SLC14A2: variants seen among roughly 807,000 people sequenced by gnomAD.
SLC14A2 encodes the protein solute carrier family 14 member 2, also known as urea transporter 2.
A neutral mutation model predicts 104.6 loss-of-function variants in SLC14A2; 91 were observed. The ratio of observed to expected loss-of-function variants is 0.87; its 90% CI spans 0.73 to 1.04. The LOEUF is 1.04. Ranked by LOEUF, SLC14A2 falls within the 50% of genes least tolerant of loss-of-function variation. The probability of loss-of-function intolerance (pLI) is 0.00; values close to 1 mark genes in which losing one functional copy is unlikely to be tolerated. For synonymous variants in SLC14A2, 476 were observed against 466.4 expected (o/e 1.02, Z -0.27); for missense variants, 1,189 against 1,156.0 (o/e 1.03, Z -0.41).
At chr18:45,269,641 A>G (rs77012618) in intron 1 of SLC14A2, among the ~76,000 whole-genome samples, 2,351 of 152,244 alleles carry the variant, frequency 0.015, 86 homozygotes, top group East Asian at 0.094. Context: ...ACAAGACCAT[A>G]GCTGCTCATA....
chr18:45,390,991 C>T (rs559755638), intron 1 of SLC14A2, among the ~76,000 whole-genome samples: 1 of 152,210 alleles, frequency 6.6e-6, no homozygotes, highest in African/African-American at 2.4e-5. Flanking sequence ...AGGTTTGTTA[C>T]AGATGTATAC....
intron 1 of SLC14A2, among the ~76,000 whole-genome samples, chr18:45,391,941 C>A (rs985647358): frequency 3.3e-5 from 5 of 152,176 alleles, no homozygotes; most frequent in Admixed American, 2.6e-4. Flanking sequence ...TTAGATCCCA[C>A]TTGTCAATTC....
intron 1 of SLC14A2, among the ~76,000 whole-genome samples, chr18:45,226,099 G>GA (rs2084113560): frequency 6.6e-6 from 1 of 152,028 alleles, no homozygotes; most frequent in East Asian, 1.9e-4. Context: ...TCAGAGAAAT[G>GA]CAATCAAAAC....
chr18:45,277,772 C>G (rs1445880147), intron 1 of SLC14A2, among the ~76,000 whole-genome samples: 1 of 152,142 alleles, frequency 6.6e-6, no homozygotes, highest in Non-Finnish European at 1.5e-5. Context: ...AATGAGAAAA[C>G]ATATGTAACA....
intron 1 of SLC14A2, among the ~76,000 whole-genome samples, chr18:45,340,511 C>T (rs1031855739): frequency 6.6e-6 from 1 of 152,168 alleles, no homozygotes; most frequent in Non-Finnish European, 1.5e-5. Context: ...GGTAGAGTAT[C>T]TCTGATATTC....
At chr18:45,182,094 A>G in the SLC14A2 span, among the ~76,000 whole-genome samples, 8 of 152,104 alleles carry the variant, frequency 5.3e-5, no homozygotes, top group Non-Finnish European at 8.8e-5. Context: ...AAAGTAATTA[A>G]GCAGCCAAGT....
chr18:45,361,900 C>T (rs542749413), intron 1 of SLC14A2, among the ~76,000 whole-genome samples: 18 of 152,300 alleles, frequency 1.2e-4, no homozygotes, highest in African/African-American at 2.9e-4. Flanking sequence ...ATCTTTTCCC[C>T]GGGAGCACCA....
chr18:45,356,634 T>C (rs1424510794), intron 1 of SLC14A2, among the ~76,000 whole-genome samples: 1 of 152,254 alleles, frequency 6.6e-6, no homozygotes, highest in East Asian at 1.9e-4. Flanking sequence ...ACAGTCTAGA[T>C]ACTCAAACAT....
chr18:45,321,469 AG>A (rs1216772229), intron 1 of SLC14A2, among the ~76,000 whole-genome samples: 3 of 152,222 alleles, frequency 2.0e-5, no homozygotes, highest in Non-Finnish European at 4.4e-5. Context: ...CATTTTAAAA[AG>A]CTAGTCCATT....
intron 2 of SLC14A2, among the ~76,000 whole-genome samples, chr18:45,562,181 T>C (rs2044208833): frequency 6.6e-6 from 1 of 152,214 alleles, no homozygotes; most frequent in African/African-American, 2.4e-5. Context: ...AGAGATGCAT[T>C]CAGAAGAGTT....
intron 1 of SLC14A2, among the ~76,000 whole-genome samples, chr18:45,217,107 C>T (rs899989939): frequency 1.3e-5 from 2 of 151,772 alleles, no homozygotes. Flanking sequence ...ACCCAATTTT[C>T]CTCCTTTCCT....
At chr18:45,659,903 C>T (rs1599137862) in intron 10 of SLC14A2, among the ~76,000 whole-genome samples, 1 of 150,834 alleles carries the variant, frequency 6.6e-6, no homozygotes, top group South Asian at 2.1e-4. Context: ...GGCAGGAGGA[C>T]CACTTGAGCC....
chr18:45,592,601 CTG>C (rs1027670543), intron 2 of SLC14A2, among the ~76,000 whole-genome samples: 1 of 152,212 alleles, frequency 6.6e-6, no homozygotes, highest in Non-Finnish European at 1.5e-5. Context: ...CCAAAACACA[CTG>C]TATTATATTC....
intron 1 of SLC14A2, among the ~76,000 whole-genome samples, chr18:45,305,897 T>G (rs952814066): frequency 2.0e-5 from 3 of 152,210 alleles, no homozygotes; most frequent in Admixed American, 6.5e-5. Flanking sequence ...CTGAGGATTT[T>G]TAATACTGTG....
chr18:45,634,950 G>A, intron 5 of SLC14A2: 1 of 449,412 alleles, frequency 2.2e-6, no homozygotes, highest in South Asian at 1.6e-5. Context: ...CATGAACATG[G>A]TAAGAAGTGA....
chr18:45,318,535 C>T (rs2085152783), intron 1 of SLC14A2, among the ~76,000 whole-genome samples: 1 of 152,114 alleles, frequency 6.6e-6, no homozygotes, highest in Admixed American at 6.5e-5. Flanking sequence ...CACCTGTAAT[C>T]CCAGCACTCT....
intron 1 of SLC14A2, among the ~76,000 whole-genome samples, chr18:45,391,873 G>C (rs1049666136): frequency 3.3e-5 from 5 of 152,152 alleles, no homozygotes; most frequent in African/African-American, 9.7e-5. Context: ...CCATTTTGTG[G>C]GTTGCCTGTT....
intron 2 of SLC14A2, among the ~76,000 whole-genome samples, chr18:45,514,285 A>G (rs1312810665): frequency 6.6e-6 from 1 of 152,212 alleles, no homozygotes; most frequent in Non-Finnish European, 1.5e-5. Context: ...ACATCTTCAC[A>G]TGACTGACGG....
At chr18:45,199,864 A>T in the SLC14A2 span, among the ~76,000 whole-genome samples, 1 of 152,160 alleles carries the variant, frequency 6.6e-6, no homozygotes, top group South Asian at 2.1e-4. Flanking sequence ...CTTTGGCAGT[A>T]GGTTTTGGAA....
Sources: allele counts gnomAD v4.1 joint callset (sites outside exome capture counted in the v4.1 genomes callset), GRCh38; gene constraint gnomAD v4.1.1; transcripts MANE v1.5; gene names NCBI Gene and HGNC (gene_info 2026-07-23, HGNC 2026-07-21).